The following KCNC2 variants were observed in gnomAD, a reference collection of about 807,000 sequenced individuals.
KCNC2 encodes the protein voltage-gated potassium channel KCNC2.
KCNC2 carries 21 observed loss-of-function variants against 44.5 expected under a neutral mutation model. The ratio of observed to expected loss-of-function variants is 0.47; its 90% CI spans 0.33 to 0.68. The LOEUF (loss-of-function observed/expected upper bound fraction) is 0.68, where lower values mean the gene tolerates loss of function less well. Ranked by LOEUF, KCNC2 falls within the 30% of genes least tolerant of loss-of-function variation. The pLI, the probability that KCNC2 is intolerant of heterozygous loss-of-function variation, is 0.01. For synonymous variants in KCNC2, 391 were observed against 339.1 expected (o/e 1.15, Z -1.68); for missense variants, 589 against 826.2 (o/e 0.71, Z 3.52).
intron 2 of KCNC2, among the ~76,000 whole-genome samples, chr12:75,100,742 T>C (rs949581334): frequency 2.0e-5 from 3 of 152,158 alleles, no homozygotes; most frequent in South Asian, 2.1e-4. Flanking sequence ...ATATTGTCAA[T>C]ATGTTATGAT....
In KCNC2 at chr12:75,207,706, C is replaced by G. The variant is rs1435929405; in HGVS notation, c.278G>C (p.Ser93Thr). The stretch of plus-strand genomic sequence containing the variant: ...CTCGCGGCCGCCACCGGGATGGTCG[C>G]TGGCCCTGCCGCCGCGGGAACTGCA... ...GNCSSRGGRASDHPGGGREFF... is the reference protein window; with the variant it reads ...GNCSSRGGRATDHPGGGREFF... The change falls in exon 2 of 5, where the codon AGC (serine) becomes ACC (threonine). Residue 93 changes from serine to threonine, a missense_variant. Transcript: ENST00000549446. This position sits in a 1 kb window ranked among gnomAD's most constrained non-coding sequence, Gnocchi z 4.1. 8.8e-6 allele frequency: 14 copies of G among 1,584,678 alleles called. No homozygotes were observed. The highest frequency in any genetic ancestry group is 1.2e-5 in the Non-Finnish European group (14 of 1,166,196).
At chr12:75,142,247 G>A (rs915059946) in intron 2 of KCNC2, among the ~76,000 whole-genome samples, 1 of 152,088 alleles carries the variant, frequency 6.6e-6, no homozygotes, top group Admixed American at 6.6e-5. Flanking sequence ...CTGACTTCAC[G>A]ATTAAAAACA....
chr12:75,096,161 G>A (rs1885905388), intron 2 of KCNC2, among the ~76,000 whole-genome samples: 2 of 151,906 alleles, frequency 1.3e-5, no homozygotes, highest in Admixed American at 1.3e-4. Flanking sequence ...CCACTTTCAA[G>A]TCAACTGCAA....
At chr12:75,141,914 C>A (rs548865973) in intron 2 of KCNC2, among the ~76,000 whole-genome samples, 4 of 152,192 alleles carry the variant, frequency 2.6e-5, no homozygotes, top group South Asian at 4.1e-4. Flanking sequence ...TGTGTTATTT[C>A]TTTCATCCTC....
intron 2 of KCNC2, among the ~76,000 whole-genome samples, chr12:75,060,217 C>T (rs1237860118): frequency 6.6e-6 from 1 of 151,950 alleles, no homozygotes; most frequent in Non-Finnish European, 1.5e-5. Flanking sequence ...CTTTTTCTTC[C>T]CCAACACCTT....
chr12:75,043,258 C>G lies in KCNC2; in HGVS notation c.1781-17G>C, dbSNP rs763652889. The G allele has an allele frequency of 1.9e-5, 31 of 1,610,956 alleles. No homozygotes were observed. Among genetic ancestry groups the G allele is most frequent in the Non-Finnish European group, 2.6e-5 (31 of 1,178,278 alleles). The stretch of plus-strand genomic sequence containing the variant: ...TTTCATATCCTTTTATGAAAAAATG[C>G]ACAGACATCAGTTGAATTCAACCAG... On this transcript the variant is annotated splice_polypyrimidine_tract_variant and intron_variant, in intron 4 of 4. Coordinates refer to ENST00000549446, the MANE Select transcript of KCNC2 (RefSeq NM_139137.4).
At chr12:75,172,470 A>G (rs931837942) in intron 2 of KCNC2, among the ~76,000 whole-genome samples, 4 of 151,768 alleles carry the variant, frequency 2.6e-5, no homozygotes, top group African/African-American at 9.7e-5. Context: ...CTGCACATGT[A>G]ACCCTCAACT....
chr12:75,180,769 T>C (rs2137641188), intron 2 of KCNC2, among the ~76,000 whole-genome samples: 1 of 152,094 alleles, frequency 6.6e-6, no homozygotes, highest in East Asian at 1.9e-4. Context: ...AAGAATCTTT[T>C]CCTACAGTGT....
chr12:75,070,268 G>T (rs1461865076), intron 2 of KCNC2, among the ~76,000 whole-genome samples: 3 of 151,970 alleles, frequency 2.0e-5, no homozygotes, highest in Admixed American at 6.6e-5. Context: ...TGGCCAACAT[G>T]GTGAAACCCC....
intron 4 of KCNC2, among the ~76,000 whole-genome samples, chr12:75,047,072 A>G (rs1421024362): frequency 6.6e-6 from 1 of 151,674 alleles, no homozygotes; most frequent in African/African-American, 2.4e-5. Flanking sequence ...TGCTAATATG[A>G]AAGTTTTAAA....
chr12:75,072,609 A>T (rs2137041253), intron 2 of KCNC2, among the ~76,000 whole-genome samples: 1 of 152,202 alleles, frequency 6.6e-6, no homozygotes, highest in African/African-American at 2.4e-5. Context: ...AGAAAAAAAG[A>T]AAAAGAAAAA....
At chr12:75,117,793 A>G (rs990227196) in intron 2 of KCNC2, among the ~76,000 whole-genome samples, 1 of 152,120 alleles carries the variant, frequency 6.6e-6, no homozygotes, top group South Asian at 2.1e-4. Flanking sequence ...TGCCTTCTTC[A>G]TCTGTTTTTA....
chr12:75,168,942 C>A (rs1010276611), intron 2 of KCNC2, among the ~76,000 whole-genome samples: 12 of 151,498 alleles, frequency 7.9e-5, no homozygotes, highest in Non-Finnish European at 1.3e-4. Context: ...CTCACAAGTA[C>A]AATCCAAATG....
chr12:75,163,735 T>C (rs562071483), intron 2 of KCNC2, among the ~76,000 whole-genome samples: 1 of 151,856 alleles, frequency 6.6e-6, no homozygotes, highest in African/African-American at 2.4e-5. Flanking sequence ...ATTTCAACAT[T>C]TTGAAACATA....
chr12:75,129,979 A>G (rs1888714013), intron 2 of KCNC2, among the ~76,000 whole-genome samples: 1 of 152,168 alleles, frequency 6.6e-6, no homozygotes, highest in Admixed American at 6.5e-5. Context: ...TCTGTATAGT[A>G]CCCATAATAT....
In KCNC2 at chr12:75,148,574, A is replaced by G. The variant is rs74110432; in HGVS notation, c.687+58723T>C. On this transcript the variant is annotated intron_variant, in intron 2 of 4. Transcript: ENST00000549446. ...CTAGCTTGGTGACTATGATATTTCAATATTTCCTTTTGAAAGATTAAAAGA... is the reference window on the plus strand; with the variant it reads ...CTAGCTTGGTGACTATGATATTTCAGTATTTCCTTTTGAAAGATTAAAAGA... 4.2e-3 allele frequency among the ~76,000 whole-genome samples: 634 copies of G among 152,194 alleles called. 6 individuals carry two copies. The highest frequency in any genetic ancestry group is 0.014 in the African/African-American group (563 of 41,550).
At chr12:75,043,579 C>T (rs1384538226) in intron 4 of KCNC2, 1 of 1,213,924 alleles carries the variant, frequency 8.2e-7, no homozygotes, top group African/African-American at 1.6e-5. Flanking sequence ...ATAAGCTTGA[C>T]TAATATTTTT....
At chr12:75,102,160 A>G (rs1464980027) in intron 2 of KCNC2, among the ~76,000 whole-genome samples, 1 of 152,142 alleles carries the variant, frequency 6.6e-6, no homozygotes, top group African/African-American at 2.4e-5. Context: ...AGTAGGGAAG[A>G]AGGACTTAGG....
intron 2 of KCNC2, among the ~76,000 whole-genome samples, chr12:75,170,830 C>A (rs1333598953): frequency 6.6e-6 from 1 of 151,784 alleles, no homozygotes; most frequent in Non-Finnish European, 1.5e-5. Flanking sequence ...GTTAAAAGTT[C>A]TGGCACAGCA....
Sources: allele counts gnomAD v4.1 joint callset (sites outside exome capture counted in the v4.1 genomes callset), GRCh38; gene constraint gnomAD v4.1.1; non-coding constraint Gnocchi (gnomAD v3.1); transcripts MANE v1.5; gene names NCBI Gene and HGNC (gene_info 2026-07-23, HGNC 2026-07-21).